DGKI: variants seen among roughly 807,000 people sequenced by gnomAD.
The protein encoded by DGKI is diacylglycerol kinase iota.
Under a neutral mutation model 147.5 loss-of-function variants are expected in DGKI, and 55 were observed. That is an observed-to-expected ratio of 0.37 (90% CI 0.30 to 0.47). The LOEUF (loss-of-function observed/expected upper bound fraction) is 0.47, where lower values mean the gene tolerates loss of function less well. Ranked by LOEUF, DGKI falls within the 20% of genes least tolerant of loss-of-function variation. The pLI is 1.00. For missense variants in DGKI, 1,007 were observed against 1,323.8 expected (o/e 0.76, Z 3.71); for synonymous variants, 469 against 477.1 (o/e 0.98, Z 0.22).
At chr7:137,604,771 A>G (rs1427048953) in intron 10 of DGKI, among the ~76,000 whole-genome samples, 1 of 152,184 alleles carries the variant, frequency 6.6e-6, no homozygotes, top group Non-Finnish European at 1.5e-5. Flanking sequence ...TCATGAGAGA[A>G]CGTGAGGGAG....
At chr7:137,478,302 T>C (rs551423070) in intron 23 of DGKI, among the ~76,000 whole-genome samples, 1 of 152,320 alleles carries the variant, frequency 6.6e-6, no homozygotes, top group South Asian at 2.1e-4. Flanking sequence ...TTTACCGCGA[T>C]AGTCCATAAA....
intron 19 of DGKI, among the ~76,000 whole-genome samples, chr7:137,557,387 G>A (rs1417506592): frequency 6.6e-6 from 1 of 152,090 alleles, no homozygotes; most frequent in East Asian, 1.9e-4. Context: ...AAAGCCAGTG[G>A]AAATGAATAA....
chr7:137,691,401 C>T (rs371912122), intron 1 of DGKI, among the ~76,000 whole-genome samples: 3 of 152,306 alleles, frequency 2.0e-5, no homozygotes, highest in African/African-American at 7.2e-5. Context: ...CCCAGAAAGG[C>T]CCAGATCCTC....
At chr7:137,601,278 A>C (rs1416485697) in intron 10 of DGKI, among the ~76,000 whole-genome samples, 1 of 152,140 alleles carries the variant, frequency 6.6e-6, no homozygotes, top group Admixed American at 6.5e-5. Flanking sequence ...CTCAAAAAAA[A>C]AAAAGAAAAA....
intron 28 of DGKI, among the ~76,000 whole-genome samples, chr7:137,423,528 G>C (rs553906383): frequency 1.1e-3 from 169 of 152,274 alleles, no homozygotes; most frequent in Non-Finnish European, 2.1e-3. Context: ...GATGTTTAAG[G>C]TCAGAAGCCA....
chr7:137,619,715 A>T (rs1820673268), intron 8 of DGKI, 109 bp downstream of exon 8: 1 of 777,796 alleles, frequency 1.3e-6, no homozygotes, highest in East Asian at 2.5e-5. Context: ...CTTGGGGATG[A>T]GTGAACTGAG....
At chr7:137,409,864 GTCTCTATCTCTCGCTCTCTTTGTCTCTC>G (rs1178045890) in intron 29 of DGKI, among the ~76,000 whole-genome samples, 16 of 151,926 alleles carry the variant, frequency 1.1e-4, no homozygotes, top group East Asian at 5.8e-4. Flanking sequence ...CTCTTCGCTA[GTCTCTATCTCTCGCTCTCTTTGTCTCTC>G]TCTCTCTCTC....
intron 3 of DGKI, among the ~76,000 whole-genome samples, chr7:137,667,607 T>C (rs1822685415): frequency 6.6e-6 from 1 of 152,220 alleles, no homozygotes; most frequent in Non-Finnish European, 1.5e-5. Context: ...AGTTCACAGC[T>C]TAATATTTCT....
At chr7:137,662,594 A>G (rs918609828) in intron 3 of DGKI, among the ~76,000 whole-genome samples, 1 of 152,136 alleles carries the variant, frequency 6.6e-6, no homozygotes, top group African/African-American at 2.4e-5. Flanking sequence ...CTATGACAAC[A>G]GGATCTCATG....
At chr7:137,728,422 C>CA (rs1794772931) in intron 1 of DGKI, among the ~76,000 whole-genome samples, 1 of 152,182 alleles carries the variant, frequency 6.6e-6, no homozygotes, top group African/African-American at 2.4e-5. Context: ...AAATGATCCA[C>CA]ACAGGGACTT....
intron 28 of DGKI, among the ~76,000 whole-genome samples, chr7:137,432,398 A>C (rs1326654321): frequency 6.6e-6 from 1 of 152,200 alleles, no homozygotes; most frequent in African/African-American, 2.4e-5. Flanking sequence ...AGGTCTATTT[A>C]TAAAAAAATC....
At chr7:137,427,743 C>G (rs1289565693) in intron 28 of DGKI, among the ~76,000 whole-genome samples, 1 of 152,112 alleles carries the variant, frequency 6.6e-6, no homozygotes, top group Non-Finnish European at 1.5e-5. Flanking sequence ...CACAGAAATA[C>G]AAACTACCAT....
intron 19 of DGKI, among the ~76,000 whole-genome samples, chr7:137,553,552 TA>T (rs35473023): frequency 0.1 from 15,613 of 150,476 alleles, 1,778 homozygotes; most frequent in African/African-American, 0.28. Context: ...TCTGACTTAG[TA>T]AAAAAAAAAT....
intron 3 of DGKI, among the ~76,000 whole-genome samples, chr7:137,658,219 A>C (rs1373314745): frequency 1.3e-5 from 2 of 152,218 alleles, no homozygotes; most frequent in Non-Finnish European, 2.9e-5. Context: ...TACAGTAGTA[A>C]TCGTAGTAAC....
intron 6 of DGKI, among the ~76,000 whole-genome samples, chr7:137,637,425 G>C (rs1821351993): frequency 6.6e-6 from 1 of 152,208 alleles, no homozygotes. Flanking sequence ...TTGCCTAGTA[G>C]ATATCAAAAT....
At chr7:137,814,172 C>T (rs929892111) in intron 1 of DGKI, among the ~76,000 whole-genome samples, 2 of 152,032 alleles carry the variant, frequency 1.3e-5, no homozygotes, top group African/African-American at 4.8e-5. Flanking sequence ...AGGAAGCCAC[C>T]CGGAGAGTAG....
At chr7:137,444,526 G>C (rs2128917630) in intron 27 of DGKI, among the ~76,000 whole-genome samples, 2 of 152,322 alleles carry the variant, frequency 1.3e-5, no homozygotes, top group Non-Finnish European at 2.9e-5. Context: ...AATTGAGACA[G>C]AGGTAAAAGA....
intron 28 of DGKI, among the ~76,000 whole-genome samples, chr7:137,426,809 T>C (rs1220665457): frequency 3.3e-5 from 5 of 151,736 alleles, no homozygotes; most frequent in African/African-American, 9.7e-5. Context: ...AAGAAGGCCA[T>C]TACATAATGG....
At chr7:137,630,366 C>T (rs1821087086) in intron 6 of DGKI, among the ~76,000 whole-genome samples, 1 of 152,142 alleles carries the variant, frequency 6.6e-6, no homozygotes, top group Admixed American at 6.5e-5. Flanking sequence ...CCAATCACCC[C>T]CATCATCCTG....
Sources: allele counts gnomAD v4.1 joint callset (sites outside exome capture counted in the v4.1 genomes callset), GRCh38; gene constraint gnomAD v4.1.1; transcripts MANE v1.5; gene names NCBI Gene and HGNC (gene_info 2026-07-23, HGNC 2026-07-21).